The following FOXJ3 variants were observed in gnomAD, a reference collection of about 807,000 sequenced individuals.
FOXJ3 encodes the protein forkhead box protein J3.
In FOXJ3, 22 loss-of-function variants were observed where a neutral mutation model predicts 76.1. The ratio of observed to expected loss-of-function variants is 0.29; its 90% CI spans 0.21 to 0.41. The LOEUF is 0.41. Ranked by LOEUF, FOXJ3 falls within the 10% of genes least tolerant of loss-of-function variation. FOXJ3 has a pLI of 1.00. For missense variants in FOXJ3, 613 were observed against 762.1 expected (o/e 0.80, Z 2.30); for synonymous variants, 269 against 261.2 (o/e 1.03, Z -0.29).
chr1:42,228,973 G>A (rs999209780), intron 4 of FOXJ3, among the ~76,000 whole-genome samples: 5 of 152,028 alleles, frequency 3.3e-5, no homozygotes, highest in African/African-American at 1.2e-4. Flanking sequence ...TAACAATGAG[G>A]GGAAATACAA....
intron 4 of FOXJ3, among the ~76,000 whole-genome samples, chr1:42,252,734 G>A (rs1570056012): frequency 6.6e-6 from 1 of 151,600 alleles, no homozygotes; most frequent in Admixed American, 6.6e-5. Flanking sequence ...GTCAATTTTG[G>A]ATCTTTCCTG....
chr1:42,204,671 T>A (rs1010731994), intron 6 of FOXJ3, among the ~76,000 whole-genome samples: 3 of 152,080 alleles, frequency 2.0e-5, no homozygotes, highest in Admixed American at 2.0e-4. Context: ...AGAATTGCAA[T>A]GGAATCCTGG....
chr1:42,321,491 T>C (rs975965358), intron 1 of FOXJ3, among the ~76,000 whole-genome samples: 66 of 152,240 alleles, frequency 4.3e-4, no homozygotes, highest in African/African-American at 1.4e-3. Flanking sequence ...ATTATTTACT[T>C]TTAACTGGCA....
intron 4 of FOXJ3, among the ~76,000 whole-genome samples, chr1:42,239,726 T>C (rs528788736): frequency 6.6e-5 from 10 of 152,324 alleles, no homozygotes; most frequent in African/African-American, 1.2e-4. Context: ...ATGAAGTATT[T>C]GATGGCCTAT....
intron 4 of FOXJ3, among the ~76,000 whole-genome samples, chr1:42,233,856 C>A (rs1394926685): frequency 1.3e-5 from 2 of 149,748 alleles, no homozygotes; most frequent in Non-Finnish European, 3.0e-5. Context: ...TGAGAGAGGG[C>A]ATCCCTGTCT....
chr1:42,207,556 A>G (rs1368800849), intron 5 of FOXJ3, among the ~76,000 whole-genome samples: 1 of 152,232 alleles, frequency 6.6e-6, no homozygotes, highest in East Asian at 1.9e-4. Flanking sequence ...GAAGTAATTT[A>G]TGATTATGAT....
At chr1:42,249,774 A>G (rs1233321228) in intron 4 of FOXJ3, among the ~76,000 whole-genome samples, 1 of 152,234 alleles carries the variant, frequency 6.6e-6, no homozygotes, top group Non-Finnish European at 1.5e-5. Context: ...TGAATGGAAC[A>G]GATCAATACA....
At chr1:42,232,378 C>A (rs1370221907) in intron 4 of FOXJ3, among the ~76,000 whole-genome samples, 1 of 149,434 alleles carries the variant, frequency 6.7e-6, no homozygotes, top group Non-Finnish European at 1.5e-5. Context: ...GCCACACTGA[C>A]TTCCACAATG....
intron 5 of FOXJ3, among the ~76,000 whole-genome samples, chr1:42,227,029 T>C (rs181870971): frequency 1.6e-4 from 24 of 152,336 alleles, no homozygotes; most frequent in African/African-American, 5.8e-4. Flanking sequence ...ACACTGGAGA[T>C]ACAAATGAAA....
chr1:42,251,935 T>G (rs1650114259), intron 4 of FOXJ3, among the ~76,000 whole-genome samples: 1 of 151,984 alleles, frequency 6.6e-6, no homozygotes, highest in Non-Finnish European at 1.5e-5. Context: ...GCCAGGATGG[T>G]CTCGATCTCC....
At chr1:42,288,996 C>A (rs1377937650) in intron 2 of FOXJ3, among the ~76,000 whole-genome samples, 3 of 151,952 alleles carry the variant, frequency 2.0e-5, no homozygotes, top group African/African-American at 7.2e-5. Flanking sequence ...ACTACGGAGA[C>A]TTTTGTTATT....
chr1:42,253,658 C>T (rs1386842446), intron 4 of FOXJ3, among the ~76,000 whole-genome samples: 4 of 152,320 alleles, frequency 2.6e-5, no homozygotes, highest in Non-Finnish European at 4.4e-5. Flanking sequence ...GAAATAATGC[C>T]GCATATCTAC....
chr1:42,220,429 C>A (rs1018243698), intron 5 of FOXJ3, among the ~76,000 whole-genome samples: 1 of 152,166 alleles, frequency 6.6e-6, no homozygotes, highest in Non-Finnish European at 1.5e-5. Context: ...AAAACACACT[C>A]CACCAATAGA....
intron 4 of FOXJ3, among the ~76,000 whole-genome samples, chr1:42,254,765 G>A (rs1459736831): frequency 6.7e-6 from 1 of 148,670 alleles, no homozygotes; most frequent in African/African-American, 2.5e-5. Flanking sequence ...ATTGAGCAAT[G>A]AGAGCACATG....
chr1:42,295,519 C>CTTTTTT (rs34641810), intron 2 of FOXJ3, among the ~76,000 whole-genome samples: 38 of 79,066 alleles, frequency 4.8e-4, no homozygotes, highest in Middle Eastern at 9.4e-3. Context: ...CTACAAGTGT[C>CTTTTTT]TTTTTTTTTT....
chr1:42,289,116 A>G (rs1056245026), intron 2 of FOXJ3, among the ~76,000 whole-genome samples: 1 of 151,974 alleles, frequency 6.6e-6, no homozygotes, highest in Non-Finnish European at 1.5e-5. Context: ...TTTTTAAGGG[A>G]CGAAAAATAA....
intron 4 of FOXJ3, among the ~76,000 whole-genome samples, chr1:42,239,408 T>C (rs1648951676): frequency 6.7e-6 from 1 of 150,132 alleles, no homozygotes; most frequent in Non-Finnish European, 1.5e-5. Context: ...CTCTTTTTAT[T>C]GGTGGTTTGC....
intron 4 of FOXJ3, among the ~76,000 whole-genome samples, chr1:42,232,672 T>A (rs1648252628): frequency 6.6e-6 from 1 of 152,184 alleles, no homozygotes; most frequent in Admixed American, 6.5e-5. Flanking sequence ...TTGTTTGAGT[T>A]CTTTGTAGAT....
At chr1:42,183,726 C>T (rs151085160) in intron 11 of FOXJ3, among the ~76,000 whole-genome samples, 8 of 152,192 alleles carry the variant, frequency 5.3e-5, no homozygotes, top group African/African-American at 1.9e-4. Flanking sequence ...AAATCTTCCA[C>T]TTCTATTAAG....
Sources: allele counts gnomAD v4.1 joint callset (sites outside exome capture counted in the v4.1 genomes callset), GRCh38; gene constraint gnomAD v4.1.1; transcripts MANE v1.5; gene names NCBI Gene and HGNC (gene_info 2026-07-23, HGNC 2026-07-21).